Variants in FAM221A observed in about 807,000 individuals in gnomAD.
The protein encoded by FAM221A is family with sequence similarity 221 member A.
Under a neutral mutation model 37.6 loss-of-function variants are expected in FAM221A, and 43 were observed. The ratio of observed to expected loss-of-function variants is 1.15; its 90% CI spans 0.90 to 1.48. The LOEUF (loss-of-function observed/expected upper bound fraction) is 1.48, where lower values mean the gene tolerates loss of function less well. FAM221A is among the 40% of genes most tolerant of loss of function. The pLI, the probability that FAM221A is intolerant of heterozygous loss-of-function variation, is 0.00. For synonymous variants in FAM221A, 135 were observed against 132.9 expected (o/e 1.02, Z -0.11); for missense variants, 361 against 361.5 (o/e 1.00, Z 0.01).
intron 3 of FAM221A, among the ~76,000 whole-genome samples, chr7:23,690,595 T>A (rs996012582): frequency 5.3e-5 from 8 of 152,210 alleles, no homozygotes; most frequent in Admixed American, 2.0e-4. Flanking sequence ...TTGATTTTTT[T>A]ATACAACGAC....
intron 6 of FAM221A, among the ~76,000 whole-genome samples, chr7:23,701,520 T>C (rs1785457628): frequency 6.6e-6 from 1 of 152,196 alleles, no homozygotes. Flanking sequence ...ATTACAGGCA[T>C]GAGCCACCGC....
chr7:23,682,387 G>A (rs1784095758), intron 1 of FAM221A, among the ~76,000 whole-genome samples: 1 of 143,096 alleles, frequency 7.0e-6, no homozygotes, highest in Non-Finnish European at 1.5e-5. Flanking sequence ...GTGTGTGTGT[G>A]TGTGTGTGTG....
At position 23,689,351 on chromosome 7, in the gene FAM221A, T is replaced by C; in HGVS notation, c.322T>C (p.Cys108Arg). 5 of 1,607,506 alleles carry C rather than the reference T, an allele frequency of 3.1e-6. No homozygotes were observed. The highest frequency in any genetic ancestry group is 4.3e-6 in the Non-Finnish European group (5 of 1,174,990). Residue 108 changes from cysteine to arginine, a missense_variant, in exon 3 of 7, where the codon TGC (cysteine) becomes CGC (arginine). Physicochemically the swap from Cys to Arg is radical, Grantham distance 180. Coordinates refer to ENST00000344962, the MANE Select transcript of FAM221A (RefSeq NM_199136.5). The stretch of plus-strand genomic sequence containing the variant: ...GCCCTGCCAAGTGACTGGCTGCCAG[T>C]GCAGGGCTTACCTTTATGTCCCCTT... Reference protein sequence around the residue: ...DLPCQVTGCQCRAYLYVPLNG... With the variant: ...DLPCQVTGCQRRAYLYVPLNG...
In FAM221A at chr7:23,689,923, T is replaced by A. The variant is rs373523241; in HGVS notation, c.430+464T>A. On this transcript the variant is annotated intron_variant, in intron 3 of 6. Coordinates refer to ENST00000344962, the MANE Select transcript of FAM221A (RefSeq NM_199136.5). ...GCAGTAATACCCTTACCTTAATACC[T>A]GTACCCAAATTCCAACCTCTACCCC... Among the ~76,000 whole-genome samples, 13 of 152,050 alleles carry A rather than the reference T, an allele frequency of 8.5e-5. No homozygotes were observed. The South Asian group carries it at 1.0e-3, about 12-fold the overall frequency.
chr7:23,699,535 C>CTATTTTTTT (rs1785271390), intron 5 of FAM221A, among the ~76,000 whole-genome samples: 1 of 64,162 alleles, frequency 1.6e-5, no homozygotes, highest in Non-Finnish European at 2.7e-5. Context: ...TCACCTTTTC[C>CTATTTTTTT]TTTTTTTTTT....
At chr7:23,685,266 A>G (rs747580362) in intron 2 of FAM221A, among the ~76,000 whole-genome samples, 5 of 17,094 alleles carry the variant, frequency 2.9e-4, no homozygotes, top group African/African-American at 1.9e-3. Flanking sequence ...GCAAAACAAA[A>G]CAAAACAAAA....
At position 23,692,663 on chromosome 7, in the gene FAM221A, G is replaced by A. The variant is rs543287099; in HGVS notation, c.637+1067G>A. ...GGCCCATACGAGTATATATTTTCTTGTAAAAGATTCAAACAATAGAAATTA... is the reference window on the plus strand; with the variant it reads ...GGCCCATACGAGTATATATTTTCTTATAAAAGATTCAAACAATAGAAATTA... On this transcript the variant is annotated intron_variant, in intron 4 of 6. Coordinates refer to ENST00000344962, the MANE Select transcript of FAM221A (RefSeq NM_199136.5). 15 of 984,704 alleles carry A rather than the reference G, an allele frequency of 1.5e-5. No individual in the cohort carries two copies. The East Asian group carries it at 1.2e-3, about 82-fold the overall frequency. The allele number at this position is 984,704 out of a possible 1,614,324, so 61.0% of individuals were successfully genotyped here. A position where few individuals can be genotyped will look rare whatever the true frequency, so the allele number is the denominator to read the frequency against.
intron 6 of FAM221A, among the ~76,000 whole-genome samples, chr7:23,701,770 A>G (rs1785472020): frequency 6.6e-6 from 1 of 152,222 alleles, no homozygotes; most frequent in Non-Finnish European, 1.5e-5. Context: ...CAGCTGGATT[A>G]GGTGCATTAT....
chr7:23,684,161 A>G (rs1218467575), intron 1 of FAM221A, among the ~76,000 whole-genome samples: 7 of 152,122 alleles, frequency 4.6e-5, no homozygotes, highest in African/African-American at 1.7e-4. Flanking sequence ...GACCCCCAGT[A>G]AAACTTGTTT....
intron 4 of FAM221A, 105 bp downstream of exon 4, chr7:23,691,701 GA>G: frequency 1.0e-6 from 1 of 981,206 alleles, no homozygotes; most frequent in South Asian, 1.7e-5. Flanking sequence ...TTTTCTTTCA[GA>G]AAACATTCTC....
At chr7:23,701,364 C>T (rs973261752) in intron 6 of FAM221A, among the ~76,000 whole-genome samples, 1 of 151,448 alleles carries the variant, frequency 6.6e-6, no homozygotes, top group East Asian at 1.9e-4. Flanking sequence ...TTCAGCCTCC[C>T]GAGTAGCTGG....
At chr7:23,701,101 A>T (rs1785398503) in intron 6 of FAM221A, among the ~76,000 whole-genome samples, 1 of 152,220 alleles carries the variant, frequency 6.6e-6, no homozygotes, top group African/African-American at 2.4e-5. Context: ...AAATACGCAG[A>T]TAAAATTGTC....
chr7:23,698,360 TTTGTTTTCTAGGCATCTCTC>T, intron 5 of FAM221A, 61 bp downstream of exon 5: 1 of 875,068 alleles, frequency 1.1e-6, no homozygotes, highest in Non-Finnish European at 1.8e-6. Flanking sequence ...GGAGCTTTGA[TTTGTTTTCTAGGCATCTCTC>T]TTTTTTTCAT....
chr7:23,692,128 T>C lies in FAM221A; in HGVS notation c.637+532T>C, dbSNP rs73079070. 5.6e-3 allele frequency: 4,635 copies of C among 822,380 alleles called. 23 individuals carry two copies. Among genetic ancestry groups the C allele is most frequent in the South Asian group, 0.025 (433 of 17,590 alleles). 50.9% of individuals were successfully genotyped at this position (822,380 alleles called of 1,614,324 possible). A position where few individuals can be genotyped will look rare whatever the true frequency, so the allele number is the denominator to read the frequency against. ...ACACATATATCTTCTTGCATACATA[T>C]ATGTTGTAAATAATGTAGGGAAAGT... On this transcript the variant is annotated intron_variant, in intron 4 of 6. Transcript: ENST00000344962.
chr7:23,695,453 A>G (rs1419016888), intron 4 of FAM221A, among the ~76,000 whole-genome samples: 2 of 152,048 alleles, frequency 1.3e-5, no homozygotes, highest in South Asian at 2.1e-4. Context: ...GCTCACTGCA[A>G]TCTCTGCCTC....
intron 3 of FAM221A, among the ~76,000 whole-genome samples, chr7:23,691,179 T>G (rs1192359688): frequency 1.3e-5 from 2 of 152,188 alleles, no homozygotes; most frequent in South Asian, 2.1e-4. Context: ...TGTTGTGTTT[T>G]GCAGTTTTTT....
At chr7:23,698,849 C>A (rs1326040209) in intron 5 of FAM221A, among the ~76,000 whole-genome samples, 7 of 151,826 alleles carry the variant, frequency 4.6e-5, no homozygotes, top group Admixed American at 4.6e-4. Context: ...CTAGACGTTC[C>A]CCACAAGGAA....
intron 3 of FAM221A, among the ~76,000 whole-genome samples, chr7:23,690,199 A>ATTAT (rs1784653300): frequency 2.1e-5 from 1 of 48,740 alleles, no homozygotes; most frequent in African/African-American, 8.5e-5. Context: ...ATATATATAT[A>ATTAT]TTTTTTTTTT....
intron 1 of FAM221A, among the ~76,000 whole-genome samples, chr7:23,682,433 A>AT (rs1373503379): frequency 3.5e-3 from 238 of 67,336 alleles, no homozygotes; most frequent in Admixed American, 8.3e-3. Flanking sequence ...TATTATTATT[A>AT]TTATTATTTT....
Sources: allele counts gnomAD v4.1 joint callset (sites outside exome capture counted in the v4.1 genomes callset), GRCh38; gene constraint gnomAD v4.1.1; transcripts MANE v1.5; gene names NCBI Gene and HGNC (gene_info 2026-07-23, HGNC 2026-07-21).